Variants in SUGCT observed in about 807,000 individuals in gnomAD.
SUGCT encodes the protein succinyl-CoA:glutarate-CoA transferase, also known as succinyl-CoA:glutarate CoA-transferase.
A neutral mutation model predicts 55.0 loss-of-function variants in SUGCT; 41 were observed. The observed-to-expected ratio is 0.74, with a 90% confidence interval of 0.58 to 0.97. The LOEUF (loss-of-function observed/expected upper bound fraction) is 0.97, where lower values mean the gene tolerates loss of function less well. SUGCT is among the 50% of genes least tolerant of loss of function. SUGCT has a pLI of 0.00. For missense variants in SUGCT, 568 were observed against 547.8 expected, an observed-to-expected ratio of 1.04 and a Z score of -0.37; for synonymous variants, 187 against 200.4, an observed-to-expected ratio of 0.93 and a Z score of 0.56.
chr7:40,805,272 G>A (rs1444172789), intron 13 of SUGCT, among the ~76,000 whole-genome samples: 1 of 152,120 alleles, frequency 6.6e-6, no homozygotes, highest in African/African-American at 2.4e-5. Context: ...TGAGCCTCAT[G>A]CATAGCACCC....
chr7:40,260,200 C>T (rs1442893985), intron 7 of SUGCT, among the ~76,000 whole-genome samples: 2 of 152,088 alleles, frequency 1.3e-5, no homozygotes, highest in Non-Finnish European at 2.9e-5. Context: ...TTTGTTTTGC[C>T]ATTTTTTCCC....
At chr7:40,847,717 C>T (rs1163757712) in intron 13 of SUGCT, among the ~76,000 whole-genome samples, 2 of 152,066 alleles carry the variant, frequency 1.3e-5, no homozygotes, top group East Asian at 1.9e-4. Flanking sequence ...ATCCGGCCCA[C>T]ATTTCTTTCA....
intron 13 of SUGCT, among the ~76,000 whole-genome samples, chr7:40,829,755 C>T (rs1050942784): frequency 8.5e-5 from 13 of 152,180 alleles, no homozygotes; most frequent in South Asian, 6.2e-4. Context: ...TGACCATGTC[C>T]GGCCCTGTGC....
intron 9 of SUGCT, among the ~76,000 whole-genome samples, chr7:40,321,424 C>T (rs142221544): frequency 0.028 from 4,098 of 148,848 alleles, 167 homozygotes; most frequent in African/African-American, 0.094. Context: ...GCTCTGTTGC[C>T]GAGGCTGGAG....
chr7:40,558,071 C>A (rs1216473612), intron 12 of SUGCT, among the ~76,000 whole-genome samples: 6 of 151,126 alleles, frequency 4.0e-5, no homozygotes, highest in Admixed American at 2.0e-4. Flanking sequence ...AATACTACTT[C>A]ACACTCATTG....
intron 12 of SUGCT, among the ~76,000 whole-genome samples, chr7:40,738,390 T>A (rs1324069170): frequency 6.6e-6 from 1 of 152,048 alleles, no homozygotes; most frequent in African/African-American, 2.4e-5. Flanking sequence ...TTCATGTAAA[T>A]GCAGTAAACT....
intron 11 of SUGCT, among the ~76,000 whole-genome samples, chr7:40,490,475 G>A (rs1004022300): frequency 6.6e-6 from 1 of 152,158 alleles, no homozygotes; most frequent in Non-Finnish European, 1.5e-5. Flanking sequence ...CACAGTGTGT[G>A]GTGCTGTTTT....
At chr7:40,865,273 C>T (rs1794560012), downstream of SUGCT, among the ~76,000 whole-genome samples, 1 of 152,064 alleles carries the variant, frequency 6.6e-6, no homozygotes. Flanking sequence ...CTGTGTCCGA[C>T]CTTCAGAAAA....
At chr7:40,566,604 A>G (rs1200612660) in intron 12 of SUGCT, among the ~76,000 whole-genome samples, 1 of 152,236 alleles carries the variant, frequency 6.6e-6, no homozygotes, top group Non-Finnish European at 1.5e-5. Context: ...AGGACTTTCT[A>G]TGAGACCTTA....
chr7:40,190,958 C>T (rs1785866358), intron 5 of SUGCT, among the ~76,000 whole-genome samples: 1 of 152,166 alleles, frequency 6.6e-6, no homozygotes, highest in Non-Finnish European at 1.5e-5. Context: ...TTGCACAGTT[C>T]AAACCCCTGT....
At chr7:40,551,130 A>G (rs1255918899) in intron 12 of SUGCT, among the ~76,000 whole-genome samples, 2 of 152,144 alleles carry the variant, frequency 1.3e-5, no homozygotes, top group African/African-American at 4.8e-5. Context: ...TTTGCCCAGC[A>G]GGTTCTCCTA....
rs975940204 is a variant in SUGCT, at chr7:40,150,382, C to T, written c.100+15262C>T. On this transcript the variant is annotated intron_variant, in intron 1 of 13. Transcript: ENST00000335693. Reference sequence around the variant, plus strand: ...CCAAGTTATCCTTAAAACCTCTGCTCGCTGGGCCGGGCACGGTGGCTCACG... The same window carrying T: ...CCAAGTTATCCTTAAAACCTCTGCTTGCTGGGCCGGGCACGGTGGCTCACG... Among the ~76,000 whole-genome samples the T allele has an allele frequency of 8.5e-5, 13 of 152,144 alleles. No individual in the cohort carries two copies. The East Asian group carries it at 1.5e-3, about 18-fold the overall frequency.
chr7:40,766,767 A>G (rs2128724359), intron 13 of SUGCT, among the ~76,000 whole-genome samples: 1 of 152,274 alleles, frequency 6.6e-6, no homozygotes, highest in South Asian at 2.1e-4. Context: ...CTCCTGGCCT[A>G]TATATGCAGT....
At chr7:40,937,161 T>C in the SUGCT span, among the ~76,000 whole-genome samples, 1 of 152,192 alleles carries the variant, frequency 6.6e-6, no homozygotes, top group African/African-American at 2.4e-5. Context: ...AGTTTAGTTG[T>C]TCTTCCTCCA....
chr7:40,803,649 AACT>A (rs1319288849), intron 13 of SUGCT, among the ~76,000 whole-genome samples: 2 of 152,210 alleles, frequency 1.3e-5, no homozygotes, highest in Non-Finnish European at 2.9e-5. Flanking sequence ...TAATAGACAC[AACT>A]ACTATTAATT....
Position 40,304,563 on chromosome 7 carries a change from A to C in SUGCT, c.721-12197A>C, listed in dbSNP as rs1794737670. Among the ~76,000 whole-genome samples the C allele has an allele frequency of 4.0e-5, 6 of 151,354 alleles. No homozygotes were observed. The South Asian group carries it at 1.2e-3, about 31-fold the overall frequency. On this transcript the variant is annotated intron_variant, in intron 8 of 13. Transcript: ENST00000335693. ...CCTGAGCAGTGTACACTGTACCAAC[A>C]TGTAATATTTTATCCCTCACCACCC...
chr7:40,765,487 CTG>C (rs1230949667), intron 13 of SUGCT, among the ~76,000 whole-genome samples: 2 of 149,110 alleles, frequency 1.3e-5, no homozygotes, highest in Non-Finnish European at 3.0e-5. Flanking sequence ...ACCCTAAAAA[CTG>C]TGTTTTTCTC....
intron 13 of SUGCT, among the ~76,000 whole-genome samples, chr7:40,824,532 G>A (rs1472858772): frequency 6.6e-6 from 1 of 152,166 alleles, no homozygotes; most frequent in African/African-American, 2.4e-5. Flanking sequence ...AATATGGTAT[G>A]CATTCGTTGG....
intron 12 of SUGCT, among the ~76,000 whole-genome samples, chr7:40,693,833 A>G (rs1399976793): frequency 6.6e-6 from 1 of 152,186 alleles, no homozygotes; most frequent in East Asian, 1.9e-4. Context: ...TATTTCCATG[A>G]CCTGGGAAAG....
Sources: gnomAD v4.1 joint callset for allele counts (sites outside exome capture counted in the v4.1 genomes callset) on GRCh38, gnomAD v4.1.1 for gene constraint, MANE v1.5 for transcripts, NCBI Gene and HGNC (gene_info 2026-07-23, HGNC 2026-07-21) for gene names.